The following DLEU7 variants were observed in gnomAD, a reference collection of about 807,000 sequenced individuals.
DLEU7 encodes the protein leukemia-associated protein 7.
Under a neutral mutation model 16.0 loss-of-function variants are expected in DLEU7, and 17 were observed. The ratio of observed to expected loss-of-function variants is 1.06; its 90% CI spans 0.73 to 1.59. The LOEUF (loss-of-function observed/expected upper bound fraction) is 1.59, where lower values mean the gene tolerates loss of function less well. Among genes scored for constraint, DLEU7 ranks in the 40% most tolerant of loss-of-function variants. The pLI is 0.00. For missense variants in DLEU7, 308 were observed against 314.9 expected (o/e 0.98, Z 0.17); for synonymous variants, 113 against 139.8 (o/e 0.81, Z 1.35).
At position 50,804,419 on chromosome 13, in the gene DLEU7, GT is replaced by G. The variant is rs1163813483; in HGVS notation, c.459+38768del. 2.2e-3 allele frequency among the ~76,000 whole-genome samples: 311 copies of G among 143,830 alleles called. 3 individuals carry two copies. The highest frequency in any genetic ancestry group is 0.015 in the East Asian group (73 of 5,004). The allele number at this position is 143,830 out of a possible 152,430, so 94.4% of individuals were successfully genotyped here. ...AGTGTAATGTTGTTCGTTTTATGGG[GT>G]TTTTTTTTTTTCTGTTGTTGTTGTT... On this transcript the variant is annotated intron_variant, in intron 1 of 1. Coordinates refer to the DLEU7 transcript ENST00000400393.
chr13:50,729,887 T>A (rs968718724), intron 1 of DLEU7, among the ~76,000 whole-genome samples: 2 of 152,168 alleles, frequency 1.3e-5, no homozygotes, highest in Non-Finnish European at 2.9e-5. Flanking sequence ...TGGGGTTGTG[T>A]GTGTTCTATA....
intron 1 of DLEU7, among the ~76,000 whole-genome samples, chr13:50,748,270 T>C (rs1874461343): frequency 9.7e-6 from 1 of 103,622 alleles, no homozygotes; most frequent in East Asian, 3.6e-4. Flanking sequence ...TGTTCAGAAA[T>C]CAATCACAGG....
intron 1 of DLEU7, among the ~76,000 whole-genome samples, chr13:50,817,696 C>T (rs1876773652): frequency 6.6e-6 from 1 of 152,084 alleles, no homozygotes; most frequent in Non-Finnish European, 1.5e-5. Flanking sequence ...TTCTTGCAGT[C>T]CTATGTTCTG....
chr13:50,840,849 A>T (rs933622954), intron 1 of DLEU7, among the ~76,000 whole-genome samples: 11 of 152,188 alleles, frequency 7.2e-5, no homozygotes, highest in African/African-American at 2.4e-4. Context: ...GCAATTTTTT[A>T]GGTAGAAAGA....
chr13:50,752,302 C>T (rs529020710), intron 1 of DLEU7, among the ~76,000 whole-genome samples: 1 of 152,216 alleles, frequency 6.6e-6, no homozygotes, highest in Admixed American at 6.5e-5. Flanking sequence ...CCACCCATCT[C>T]GGCCTCCCAA....
At chr13:50,841,376 T>A (rs1877652409) in intron 1 of DLEU7, among the ~76,000 whole-genome samples, 1 of 152,056 alleles carries the variant, frequency 6.6e-6, no homozygotes, top group African/African-American at 2.4e-5. Context: ...TTCCCTTTAA[T>A]GTCTGGAAAA....
chr13:50,840,734 C>T (rs756706004), intron 1 of DLEU7, among the ~76,000 whole-genome samples: 60 of 151,820 alleles, frequency 4.0e-4, no homozygotes, highest in Non-Finnish European at 7.1e-4. Context: ...GAAACAGGTC[C>T]AGGAGCAAGT....
At chr13:50,797,876 A>G (rs958880149) in intron 1 of DLEU7, among the ~76,000 whole-genome samples, 7 of 152,238 alleles carry the variant, frequency 4.6e-5, no homozygotes, top group African/African-American at 1.7e-4. Flanking sequence ...AAATTGTAAG[A>G]ACGTACTATT....
intron 1 of DLEU7, among the ~76,000 whole-genome samples, chr13:50,809,571 G>T (rs2137788660): frequency 6.6e-6 from 1 of 152,228 alleles, no homozygotes; most frequent in African/African-American, 2.4e-5. Flanking sequence ...ATCTCTGTTG[G>T]GTCAGCCAGC....
chr13:50,777,673 G>A (rs894388440), intron 1 of DLEU7, among the ~76,000 whole-genome samples: 1 of 152,092 alleles, frequency 6.6e-6, no homozygotes, highest in Non-Finnish European at 1.5e-5. Context: ...CTTTTGGGAA[G>A]CCTTTTTTGT....
At chr13:50,733,756 C>A (rs755300079) in intron 1 of DLEU7, among the ~76,000 whole-genome samples, 1 of 152,196 alleles carries the variant, frequency 6.6e-6, no homozygotes, top group Non-Finnish European at 1.5e-5. Flanking sequence ...ATAGTAACTT[C>A]CGCTTTGACT....
intron 1 of DLEU7, among the ~76,000 whole-genome samples, chr13:50,717,221 C>G (rs1261313071): frequency 1.3e-5 from 2 of 152,068 alleles, no homozygotes; most frequent in Non-Finnish European, 2.9e-5. Flanking sequence ...CTATCCACTC[C>G]CAGTGAATTT....
chr13:50,787,978 G>A (rs985321456), intron 1 of DLEU7, among the ~76,000 whole-genome samples: 1 of 152,128 alleles, frequency 6.6e-6, no homozygotes, highest in African/African-American at 2.4e-5. Context: ...CAAGCCAGTA[G>A]CCTACATTTC....
chr13:50,713,188 T>A (rs750400267), exon 2 of DLEU7: 1 of 1,608,762 alleles, frequency 6.2e-7, no homozygotes, highest in Admixed American at 1.7e-5. Flanking sequence ...AAGCTCCTGA[T>A]GGTCCTCACA....
At chr13:50,732,562 G>A (rs2492347) in intron 1 of DLEU7, among the ~76,000 whole-genome samples, 487 of 128,370 alleles carry the variant, frequency 3.8e-3, no homozygotes, top group African/African-American at 0.014. Flanking sequence ...AGCCGAGATC[G>A]AGCCACTGCA....
chr13:50,792,973 C>G (rs2137775180), intron 1 of DLEU7, among the ~76,000 whole-genome samples: 1 of 151,924 alleles, frequency 6.6e-6, no homozygotes, highest in African/African-American at 2.4e-5. Context: ...ATTCATCATC[C>G]AAGTACTGAA....
At chr13:50,752,494 G>A (rs1566238728) in intron 1 of DLEU7, among the ~76,000 whole-genome samples, 1 of 152,172 alleles carries the variant, frequency 6.6e-6, no homozygotes, top group Non-Finnish European at 1.5e-5. Flanking sequence ...GAATGAAGCC[G>A]TGGACCCTCG....
intron 1 of DLEU7, among the ~76,000 whole-genome samples, chr13:50,776,416 T>C (rs1875496452): frequency 6.6e-6 from 1 of 152,360 alleles, no homozygotes; most frequent in South Asian, 2.1e-4. Context: ...CTTTGTGAGC[T>C]CTTTTCCAAC....
At chr13:50,739,124 T>G (rs982314151) in intron 1 of DLEU7, among the ~76,000 whole-genome samples, 2 of 152,106 alleles carry the variant, frequency 1.3e-5, no homozygotes, top group Non-Finnish European at 2.9e-5. Context: ...CTTTATTTCC[T>G]CCTCTCCTCC....
Sources: gnomAD v4.1 joint callset for allele counts (sites outside exome capture counted in the v4.1 genomes callset) on GRCh38, gnomAD v4.1.1 for gene constraint, MANE v1.5 for transcripts, NCBI Gene and HGNC (gene_info 2026-07-23, HGNC 2026-07-21) for gene names.